Variants in SLC22A17 observed in about 807,000 individuals in gnomAD.
SLC22A17 encodes solute carrier family 22 member 17.
SLC22A17 carries 38 observed loss-of-function variants against 53.6 expected under a neutral mutation model. That is an observed-to-expected ratio of 0.71 (90% confidence interval 0.55 to 0.93). The LOEUF (loss-of-function observed/expected upper bound fraction) is 0.93. SLC22A17 is among the 40% of genes least tolerant of loss of function. The probability of loss-of-function intolerance (pLI) is 0.00; values close to 1 mark genes in which losing one functional copy is unlikely to be tolerated. For missense variants in SLC22A17, 704 were observed against 791.0 expected, an observed-to-expected ratio of 0.89 and a Z score of 1.32; for synonymous variants, 379 against 353.0, an observed-to-expected ratio of 1.07 and a Z score of -0.82.
exon 10 of SLC22A17, chr14:23,346,567 T>C: frequency 1.4e-6 from 2 of 1,416,748 alleles, no homozygotes; most frequent in South Asian, 3.0e-5. Context: ...TGGGCAGCCC[T>C]GCCTTCCCTA....
In SLC22A17 at chr14:23,349,261, G is replaced by C; in HGVS notation, c.859+11C>G. 6.2e-7 allele frequency: 1 copy of C among 1,613,944 alleles called. No homozygotes were observed. ...ACCCAAGGGAGGGAATTCTGGGAGG[G>C]TGCCACTTACGCATCAGGTAGACAC... On this transcript the variant is annotated intron_variant, in intron 4 of 9. Coordinates refer to ENST00000397267, the Ensembl canonical transcript of SLC22A17.
Position 23,346,950 on chromosome 14 carries a change from G to A in SLC22A17, c.1662-14C>T. 6.6e-7 allele frequency: 1 copy of A among 1,525,734 alleles called. No individual in the cohort carries two copies. Among genetic ancestry groups the A allele is most frequent in the Non-Finnish European group, 8.8e-7 (1 of 1,140,870 alleles). The allele number at this position is 1,525,734 out of a possible 1,614,324, so 94.5% of individuals were successfully genotyped here. On this transcript the variant is annotated splice_polypyrimidine_tract_variant and intron_variant, in intron 9 of 9. Coordinates refer to ENST00000397267, the Ensembl canonical transcript of SLC22A17. ...AGGCCACGGCCCCTGGGGGGAGACA[G>A]AGGAGGAGCTCAGCCCACAGCTGTA... is the stretch of plus-strand genomic sequence containing the variant.
At position 23,351,993 on chromosome 14, in the gene SLC22A17, C is replaced by T. The variant is rs1210297655; in HGVS notation, c.555G>A (p.Trp185Ter). 1 of 1,612,650 alleles carries T rather than the reference C, an allele frequency of 6.2e-7. No individual in the cohort carries two copies. Residue 185 changes from tryptophan to a stop codon, truncating the protein, a stop_gained, in exon 2 of 10, where the codon TGG (tryptophan) becomes TGA (stop). Transcript: ENST00000397267. LOFTEE classifies it high-confidence loss of function. The stretch of plus-strand genomic sequence containing the variant: ...TGAGCACAGGAAGGCCATTATAGTC[C>T]CAATCCTTGAGGCAATGGTTGAAGT...
Position 23,348,278 on chromosome 14 carries a change from G to A in SLC22A17, c.1054C>T (p.Arg352Trp), listed in dbSNP as rs766134891. 2.1e-5 allele frequency: 34 copies of A among 1,614,114 alleles called. No homozygotes were observed. The highest frequency in any genetic ancestry group is 2.7e-5 in the Non-Finnish European group (32 of 1,179,998). The change falls in exon 6 of 10, where the codon CGG becomes TGG. Residue 352 changes from arginine to tryptophan, a missense_variant. By Grantham distance (101) the Arg-to-Trp change is moderately radical. Coordinates refer to ENST00000397267, the Ensembl canonical transcript of SLC22A17. This position sits in a 1 kb window ranked among gnomAD's most constrained non-coding sequence, Gnocchi z 4.5. ...ATCTGCCGCTTCACTATCAGCCACC[G>A]TGCGGACTCCAGGAACAAACCAGGC...
Position 23,347,441 on chromosome 14 carries a change from C to T in SLC22A17, c.1549+19G>A, listed in dbSNP as rs1323105901. ...GGGAGGCCTGTGCCAGAAGAAATGG[C>T]TGTGCCTGTCTGAAGCACCTCTGTT... On this transcript the variant is annotated intron_variant, in intron 8 of 9. Coordinates refer to ENST00000397267, the Ensembl canonical transcript of SLC22A17. The surrounding 1 kb of genome is among the most constrained non-coding windows in gnomAD (Gnocchi z 5.1). 1.2e-6 allele frequency: 2 copies of T among 1,609,342 alleles called. No homozygotes were observed. Among genetic ancestry groups the T allele is most frequent in the East Asian group, 2.2e-5 (1 of 44,814 alleles).
At position 23,347,401 on chromosome 14, in the gene SLC22A17, T is replaced by G. The variant is rs1157188290; in HGVS notation, c.1549+59A>C. The G allele has an allele frequency of 5.7e-6, 9 of 1,579,822 alleles. No homozygotes were observed. Among genetic ancestry groups the G allele is most frequent in the Non-Finnish European group, 6.0e-6 (7 of 1,162,834 alleles). On this transcript the variant is annotated intron_variant, in intron 8 of 9. Transcript: ENST00000397267. This position sits in a 1 kb window ranked among gnomAD's most constrained non-coding sequence, Gnocchi z 5.1. The stretch of plus-strand genomic sequence containing the variant: ...AGGCTCGTGGAAGAGCTGGGCAGGG[T>G]CTGGGGCTTGTCTTGGGAGGCCTGT...
chr14:23,348,057 T>A lies in SLC22A17; in HGVS notation c.1172-61A>T. On this transcript the variant is annotated intron_variant, in intron 6 of 9. Coordinates refer to ENST00000397267, the Ensembl canonical transcript of SLC22A17. This position sits in a 1 kb window ranked among gnomAD's most constrained non-coding sequence, Gnocchi z 4.5. Reference sequence around the variant, plus strand: ...CCTGAGATCCCAGGATCCTCCCACATGGGTGGTGGGGACCCTGGGAGAAGG... The same window carrying A: ...CCTGAGATCCCAGGATCCTCCCACAAGGGTGGTGGGGACCCTGGGAGAAGG... 6.2e-7 allele frequency: 1 copy of A among 1,608,514 alleles called. No individual in the cohort carries two copies. The highest frequency in any genetic ancestry group is 8.5e-7 in the Non-Finnish European group (1 of 1,175,520).
At position 23,352,321 on chromosome 14, in the gene SLC22A17, C is replaced by A; in HGVS notation, c.227G>T (p.Gly76Val). The A allele has an allele frequency of 7.8e-7, 1 of 1,278,824 alleles. No individual in the cohort carries two copies. Among genetic ancestry groups the A allele is most frequent in the Non-Finnish European group, 1.0e-6 (1 of 980,774 alleles). 79.2% of individuals were successfully genotyped at this position (1,278,824 alleles called of 1,614,324 possible). A position where few individuals can be genotyped will look rare whatever the true frequency, so the allele number is the denominator to read the frequency against. Residue 76 changes from glycine (G) to valine (V), a missense_variant, in exon 2 of 10, where the codon GGC (glycine) becomes GTC (valine). Gly to Val is a moderately radical substitution (Grantham distance 109). This residue lies in a region of SLC22A17 where 42 missense variants were observed against 28.2 expected (regional missense o/e 1.49). Transcript: ENST00000397267. This position sits in a 1 kb window ranked among gnomAD's most constrained non-coding sequence, Gnocchi z 7.2. ...GAGCAGCGCCTCAAAGCTGAGGGGG[C>A]CTGGGGGCACGGCCAGCGACAGGCT...
chr14:23,348,179 C>T lies in SLC22A17; in HGVS notation c.1153G>A (p.Ala385Thr), dbSNP rs1413637283. Reference sequence around the variant, plus strand: ...CTCTTACCCTGCAGGGCCTCCTGGGCCTCCTCCCCCAGCATCTGCCCATGG... The same window carrying T: ...CTCTTACCCTGCAGGGCCTCCTGGGTCTCCTCCCCCAGCATCTGCCCATGG... Residue 385 changes from alanine (A) to threonine (T), a missense_variant, in exon 6 of 10, where the codon GCC becomes ACC. Around this residue, in one of 4 missense-constraint regions of SLC22A17, gnomAD observed 435 missense variants for 529.0 expected, o/e 0.82. Coordinates refer to ENST00000397267, the Ensembl canonical transcript of SLC22A17. The surrounding 1 kb of genome is among the most constrained non-coding windows in gnomAD (Gnocchi z 4.5). 1.9e-6 allele frequency: 3 copies of T among 1,613,982 alleles called. No individual in the cohort carries two copies. The highest frequency in any genetic ancestry group is 1.3e-5 in the African/African-American group (1 of 74,920).
Position 23,352,035 on chromosome 14 carries a change from G to A in SLC22A17, c.513C>T (p.Ser171=), listed in dbSNP as rs370223410. 1.2e-6 allele frequency: 2 copies of A among 1,608,474 alleles called. No individual in the cohort carries two copies. Among genetic ancestry groups the A allele is most frequent in the Non-Finnish European group, 1.7e-6 (2 of 1,177,686 alleles). Residue 171 remains serine (S), a synonymous_variant, in exon 2 of 10, where the codon AGC becomes AGT. Coordinates refer to ENST00000397267, the Ensembl canonical transcript of SLC22A17. This position sits in a 1 kb window ranked among gnomAD's most constrained non-coding sequence, Gnocchi z 7.2. ...GGTTGAAGTCCGGCGGGGCGAAGCC[G>A]CTGCACGAGGGGTCGGTACTGGTGG... is the stretch of plus-strand genomic sequence containing the variant.
At chr14:23,351,094 G>C (rs1889595949) in intron 3 of SLC22A17, 1 of 152,204 alleles carries the variant, frequency 6.6e-6, no homozygotes, top group African/African-American at 2.4e-5. Context: ...TTGGGTTGTT[G>C]ATCTCTAGAG....
Position 23,348,802 on chromosome 14 carries a change from C to T in SLC22A17, c.860-131G>A. The T allele has an allele frequency of 8.2e-6, 8 of 971,404 alleles. No individual in the cohort carries two copies. Among genetic ancestry groups the T allele is most frequent in the East Asian group, 7.9e-5 (3 of 37,800 alleles). 60.2% of individuals were successfully genotyped at this position (971,404 alleles called of 1,614,324 possible). ...CCCAGAGTGGAGGCTGCAGCCATTGCCTCCCTTGCTAACCTCTGGGTGGCA... is the reference window on the plus strand; with the variant it reads ...CCCAGAGTGGAGGCTGCAGCCATTGTCTCCCTTGCTAACCTCTGGGTGGCA... On this transcript the variant is annotated intron_variant, in intron 4 of 9. Coordinates refer to ENST00000397267, the Ensembl canonical transcript of SLC22A17. This position sits in a 1 kb window ranked among gnomAD's most constrained non-coding sequence, Gnocchi z 4.5.
intron 3 of SLC22A17, 156 bp downstream of exon 3, chr14:23,351,596 T>A: frequency 1.7e-6 from 1 of 600,204 alleles, no homozygotes; most frequent in South Asian, 2.3e-5. Context: ...TGATGGAGAG[T>A]GAAGTTGAGA....
At chr14:23,351,577 G>T (rs2138519798) in intron 3 of SLC22A17, 175 bp downstream of exon 3, 1 of 596,580 alleles carries the variant, frequency 1.7e-6, no homozygotes, top group South Asian at 2.2e-5. Context: ...GTAGGGAAGG[G>T]GTATTTCTTG....
intron 3 of SLC22A17, among the ~76,000 whole-genome samples, chr14:23,350,424 G>A (rs999968213): frequency 6.6e-6 from 1 of 152,162 alleles, no homozygotes; most frequent in Non-Finnish European, 1.5e-5. Context: ...TTAATCCATG[G>A]GAATAATCAG....
At chr14:23,351,923 C>T (rs1053719694) in intron 2 of SLC22A17, 25 bp downstream of exon 2, 11 of 1,611,682 alleles carry the variant, frequency 6.8e-6, no homozygotes, top group Non-Finnish European at 9.3e-6. Context: ...CGCCCCCAGA[C>T]CCGCGGCCCG....
exon 10 of SLC22A17, chr14:23,346,664 G>C: frequency 6.6e-7 from 1 of 1,508,318 alleles, no homozygotes; most frequent in Non-Finnish European, 8.9e-7. Context: ...GGCAGGGTTG[G>C]GGGTGGCAAG....
Position 23,349,369 on chromosome 14 carries a change from TACTCC to T in SLC22A17, c.757_761del (p.Gly253ArgfsTer26). ...TGGAGGAGCCTGCAGCAGCCCCTCC[TACTCC>T]ACAGGGGCCCACCAGCCCCAAGGTC... is the stretch of plus-strand genomic sequence containing the variant. On this transcript the variant is annotated frameshift_variant, in exon 4 of 10. Transcript: ENST00000397267. LOFTEE classifies it high-confidence loss of function. The T allele has an allele frequency of 6.2e-7, 1 of 1,613,954 alleles. No homozygotes were observed. The highest frequency in any genetic ancestry group is 8.5e-7 in the Non-Finnish European group (1 of 1,179,932).
Position 23,347,115 on chromosome 14 carries a change from G to A in SLC22A17, c.1647C>T (p.Ile549=). 1 of 1,613,366 alleles carries A rather than the reference G, an allele frequency of 6.2e-7. No homozygotes were observed. The highest frequency in any genetic ancestry group is 8.5e-7 in the Non-Finnish European group (1 of 1,179,820). ...CCTGCTCTCACCGGACAGTGGTGGGGATGACCTCAGCAGCAAGGAGGGTGC... is the reference window on the plus strand; with the variant it reads ...CCTGCTCTCACCGGACAGTGGTGGGAATGACCTCAGCAGCAAGGAGGGTGC... The change falls in exon 9 of 10, where the codon ATC becomes ATT. Residue 549 remains isoleucine, a synonymous_variant. Transcript: ENST00000397267. The surrounding 1 kb of genome is among the most constrained non-coding windows in gnomAD (Gnocchi z 5.1).
Sources: allele counts gnomAD v4.1 joint callset (sites outside exome capture counted in the v4.1 genomes callset), GRCh38; gene constraint gnomAD v4.1.1; regional missense constraint gnomAD v4.1.1; non-coding constraint Gnocchi (gnomAD v3.1); transcripts MANE v1.5; gene names NCBI Gene and HGNC (gene_info 2026-07-23, HGNC 2026-07-21).